Variants in RABGAP1L observed in about 807,000 individuals in gnomAD.
The protein encoded by RABGAP1L is rab GTPase-activating protein 1-like.
Under a neutral mutation model 137.7 loss-of-function variants are expected in RABGAP1L, and 63 were observed. The observed-to-expected ratio is 0.46, with a 90% confidence interval of 0.37 to 0.56. The LOEUF is 0.56. Ranked by LOEUF, RABGAP1L falls within the 20% of genes least tolerant of loss-of-function variation. The pLI is 0.00. For missense variants in RABGAP1L, 1,095 were observed against 1,244.0 expected, an observed-to-expected ratio of 0.88 and a Z score of 1.80; for synonymous variants, 431 against 433.7, an observed-to-expected ratio of 0.99 and a Z score of 0.08.
At chr1:174,920,768 G>A (rs974615307) in intron 19 of RABGAP1L, among the ~76,000 whole-genome samples, 1 of 152,166 alleles carries the variant, frequency 6.6e-6, no homozygotes, top group African/African-American at 2.4e-5. Flanking sequence ...GAAAGATCAT[G>A]TGAGGATACA....
intron 18 of RABGAP1L, among the ~76,000 whole-genome samples, chr1:174,782,498 C>T (rs968461796): frequency 6.6e-6 from 1 of 152,168 alleles, no homozygotes; most frequent in Non-Finnish European, 1.5e-5. Flanking sequence ...GATATACAGT[C>T]ATGTCATCTG....
intron 12 of RABGAP1L, among the ~76,000 whole-genome samples, chr1:174,388,492 T>TGA (rs201147109): frequency 2.0e-5 from 3 of 150,016 alleles, no homozygotes; most frequent in East Asian, 1.9e-4. Flanking sequence ...AAAGAAAGGT[T>TGA]GAGAGAGAGA....
chr1:174,163,452 G>A (rs868509862), intron 1 of RABGAP1L, among the ~76,000 whole-genome samples: 4 of 152,008 alleles, frequency 2.6e-5, no homozygotes, highest in Middle Eastern at 3.4e-3. Flanking sequence ...GTGTTTTTTG[G>A]TGTACTTTTT....
chr1:174,964,206 T>A (rs751511616), intron 20 of RABGAP1L, among the ~76,000 whole-genome samples: 5 of 152,212 alleles, frequency 3.3e-5, no homozygotes, highest in Admixed American at 6.5e-5. Context: ...TTGAGTGTGT[T>A]GTTGCTAATA....
chr1:174,610,032 G>GT (rs141094186), intron 13 of RABGAP1L, among the ~76,000 whole-genome samples: 102 of 142,734 alleles, frequency 7.1e-4, no homozygotes, highest in East Asian at 2.2e-3. Flanking sequence ...TTTGGTATGC[G>GT]TTTTTTTTTT....
intron 13 of RABGAP1L, among the ~76,000 whole-genome samples, chr1:174,518,131 C>T (rs943146683): frequency 1.3e-5 from 2 of 152,130 alleles, no homozygotes; most frequent in Non-Finnish European, 2.9e-5. Flanking sequence ...AAAACAATGC[C>T]AGGACCTGAG....
chr1:174,663,661 A>G (rs920652576), intron 14 of RABGAP1L, among the ~76,000 whole-genome samples: 2 of 152,174 alleles, frequency 1.3e-5, no homozygotes, highest in Non-Finnish European at 2.9e-5. Context: ...AAATTCACCT[A>G]CTTGCTTAAA....
At chr1:174,641,797 T>C (rs1674549984) in intron 14 of RABGAP1L, among the ~76,000 whole-genome samples, 1 of 152,170 alleles carries the variant, frequency 6.6e-6, no homozygotes, top group Non-Finnish European at 1.5e-5. Context: ...GGTTCCAATG[T>C]TCTGTGATTC....
chr1:174,162,951 GA>G, intron 1 of RABGAP1L, among the ~76,000 whole-genome samples: 1 of 114,624 alleles, frequency 8.7e-6, no homozygotes, highest in Non-Finnish European at 1.7e-5. Context: ...GGGGAGGGGG[GA>G]GGGGGGAGGG....
At chr1:174,799,789 G>GCAA (rs1351104735) in intron 18 of RABGAP1L, 1 of 969,818 alleles carries the variant, frequency 1.0e-6, no homozygotes, top group Non-Finnish European at 1.2e-6. Flanking sequence ...AGCAGCAGCA[G>GCAA]CAACAACAGC....
chr1:174,836,509 C>T (rs776052314), intron 19 of RABGAP1L, among the ~76,000 whole-genome samples: 28 of 152,128 alleles, frequency 1.8e-4, no homozygotes, highest in Non-Finnish European at 3.1e-4. Context: ...CACTGGGATA[C>T]AAAATAATCA....
intron 13 of RABGAP1L, among the ~76,000 whole-genome samples, chr1:174,610,010 T>C (rs1671074328): frequency 6.6e-6 from 1 of 151,092 alleles, no homozygotes; most frequent in East Asian, 1.9e-4. Context: ...TCTTTGATAT[T>C]AGAAAAGACA....
chr1:174,408,335 T>G (rs1226949087), intron 13 of RABGAP1L, among the ~76,000 whole-genome samples: 1 of 152,214 alleles, frequency 6.6e-6, no homozygotes, highest in Non-Finnish European at 1.5e-5. Context: ...TCTGTTTTTT[T>G]GTTAATTTGG....
intron 11 of RABGAP1L, among the ~76,000 whole-genome samples, chr1:174,350,947 G>A (rs2148929032): frequency 8.7e-6 from 1 of 115,402 alleles, no homozygotes; most frequent in South Asian, 3.5e-4. Flanking sequence ...AGGCGTGGCG[G>A]CGCGTGCCTG....
chr1:174,618,488 A>C lies in RABGAP1L; in HGVS notation c.1711-18887A>C, dbSNP rs997096396. 3.9e-5 allele frequency among the ~76,000 whole-genome samples: 6 copies of C among 152,304 alleles called. No homozygotes were observed. The South Asian group carries it at 6.2e-4, about 16-fold the overall frequency. Reference sequence around the variant, plus strand: ...GCAGCAACATTTGCTGTTCACCAATATCTGCTGTTCTGCAGCCACCACTGC... The same window carrying C: ...GCAGCAACATTTGCTGTTCACCAATCTCTGCTGTTCTGCAGCCACCACTGC... On this transcript the variant is annotated intron_variant, in intron 13 of 25. Transcript: ENST00000681986.
Position 174,858,385 on chromosome 1 carries a change from G to A in RABGAP1L, c.2340+46425G>A, listed in dbSNP as rs182786392. 7.2e-5 allele frequency among the ~76,000 whole-genome samples: 11 copies of A among 152,236 alleles called. No individual in the cohort carries two copies. In the East Asian group the frequency reaches 2.1e-3, roughly 29 times the overall value. On this transcript the variant is annotated intron_variant, in intron 19 of 25. Transcript: ENST00000681986. ...TGATTTTGCCTTGAGGGGACATTTA[G>A]CAATGTCTGGAAGATATTTTGGTTG...
chr1:174,195,868 C>T (rs1244190948), intron 1 of RABGAP1L, among the ~76,000 whole-genome samples: 2 of 126,612 alleles, frequency 1.6e-5, no homozygotes, highest in Non-Finnish European at 3.2e-5. Context: ...CAGAGTCTTG[C>T]TCTATCGTCC....
chr1:174,430,209 C>A (rs933862246), intron 13 of RABGAP1L, among the ~76,000 whole-genome samples: 4 of 151,942 alleles, frequency 2.6e-5, no homozygotes, highest in African/African-American at 7.3e-5. Context: ...TGTTGAAACT[C>A]CATCTCTACA....
chr1:174,533,229 G>A (rs1156327077), intron 13 of RABGAP1L, among the ~76,000 whole-genome samples: 2 of 152,170 alleles, frequency 1.3e-5, no homozygotes, highest in Non-Finnish European at 2.9e-5. Context: ...GTGAGACTCC[G>A]TCTCAAAAAT....
Sources: allele counts gnomAD v4.1 joint callset (sites outside exome capture counted in the v4.1 genomes callset), GRCh38; gene constraint gnomAD v4.1.1; transcripts MANE v1.5; gene names NCBI Gene and HGNC (gene_info 2026-07-23, HGNC 2026-07-21).